Variants in NDUFS4 observed in about 807,000 individuals in gnomAD.
NDUFS4 encodes the protein NADH:ubiquinone oxidoreductase subunit S4, also known as NADH dehydrogenase [ubiquinone] iron-sulfur protein 4, mitochondrial.
Under a neutral mutation model 24.3 loss-of-function variants are expected in NDUFS4, and 28 were observed. That is an observed-to-expected ratio of 1.15 (90% CI 0.85 to 1.58). NDUFS4 has a LOEUF of 1.58. Ranked by LOEUF, NDUFS4 falls within the 40% of genes most tolerant of loss-of-function variation. The pLI, the probability that NDUFS4 is intolerant of heterozygous loss-of-function variation, is 0.00. For missense variants in NDUFS4, 223 were observed against 207.9 expected (o/e 1.07, Z -0.45); for synonymous variants, 93 against 69.7 (o/e 1.34, Z -1.67).
rs139995404 is a variant in NDUFS4 at position 53,649,254 on chromosome 5, A to G, written c.350+2849A>G. ...GGGTGTACATGTGCAGGTTTGTTAC[A>G]TGAATATATTGGGTGATGCTGGGGT... On this transcript the variant is annotated intron_variant, in intron 3 of 4. Coordinates refer to ENST00000296684, the MANE Select transcript of NDUFS4 (RefSeq NM_002495.4). Among the ~76,000 whole-genome samples, 111 of 152,218 alleles carry G rather than the reference A, an allele frequency of 7.3e-4. 1 individual carries two copies. In the East Asian group the frequency reaches 0.017, roughly 23 times the overall value.
intron 4 of NDUFS4, among the ~76,000 whole-genome samples, chr5:53,681,177 T>C (rs1401232154): frequency 2.6e-5 from 4 of 152,078 alleles, no homozygotes; most frequent in African/African-American, 7.2e-5. Context: ...CAAGAGACAA[T>C]GTAGCATAAT....
At chr5:53,623,932 T>A (rs911379364) in intron 2 of NDUFS4, among the ~76,000 whole-genome samples, 1 of 152,182 alleles carries the variant, frequency 6.6e-6, no homozygotes, top group African/African-American at 2.4e-5. Flanking sequence ...TTGGCCAGGC[T>A]ACTCTTGAAT....
chr5:53,591,666 A>G (rs1241974040), intron 1 of NDUFS4, among the ~76,000 whole-genome samples: 3 of 151,518 alleles, frequency 2.0e-5, no homozygotes, highest in African/African-American at 4.9e-5. Context: ...CTGTCTTCCA[A>G]ATTGGCTGTA....
At chr5:53,625,939 A>C (rs1004541158) in intron 2 of NDUFS4, among the ~76,000 whole-genome samples, 2 of 152,188 alleles carry the variant, frequency 1.3e-5, no homozygotes, top group African/African-American at 4.8e-5. Flanking sequence ...CACAACGTGC[A>C]GGTCTGTTAC....
chr5:53,674,895 G>A (rs1161184892), intron 4 of NDUFS4, among the ~76,000 whole-genome samples: 1 of 151,954 alleles, frequency 6.6e-6, no homozygotes, highest in Non-Finnish European at 1.5e-5. Flanking sequence ...ATAAACCAGA[G>A]AAAACCTTGC....
At chr5:53,635,171 C>T (rs996113052) in intron 2 of NDUFS4, among the ~76,000 whole-genome samples, 1 of 150,318 alleles carries the variant, frequency 6.7e-6, no homozygotes, top group Non-Finnish European at 1.5e-5. Context: ...GACTGGGCAA[C>T]AGAGCAAAAA....
intron 2 of NDUFS4, among the ~76,000 whole-genome samples, chr5:53,643,382 A>T (rs1751756905): frequency 6.6e-6 from 1 of 152,176 alleles, no homozygotes; most frequent in Non-Finnish European, 1.5e-5. Context: ...GAATACAATT[A>T]GTTCAATATA....
At chr5:53,563,749 G>A (rs938788722) in intron 1 of NDUFS4, among the ~76,000 whole-genome samples, 2 of 152,046 alleles carry the variant, frequency 1.3e-5, no homozygotes, top group Non-Finnish European at 2.9e-5. Flanking sequence ...TGATCCACCC[G>A]CCCCGGCCTC....
intron 4 of NDUFS4, among the ~76,000 whole-genome samples, chr5:53,669,242 T>C (rs1410773667): frequency 6.6e-5 from 10 of 152,198 alleles, no homozygotes; most frequent in African/African-American, 2.4e-4. Context: ...TTCAAGAGTC[T>C]GTGTTTAATA....
At chr5:53,659,606 A>C (rs756632326) in intron 4 of NDUFS4, among the ~76,000 whole-genome samples, 2 of 152,092 alleles carry the variant, frequency 1.3e-5, no homozygotes, top group Non-Finnish European at 2.9e-5. Flanking sequence ...TGCACTACTA[A>C]ACATTTGTAC....
intron 1 of NDUFS4, among the ~76,000 whole-genome samples, chr5:53,592,402 A>G (rs372053908): frequency 6.6e-6 from 1 of 152,314 alleles, no homozygotes; most frequent in East Asian, 1.9e-4. Flanking sequence ...GTTAATTTCA[A>G]TGAAGTCCAA....
chr5:53,613,790 TGTTC>T (rs1310666624), intron 2 of NDUFS4, among the ~76,000 whole-genome samples: 1 of 151,978 alleles, frequency 6.6e-6, no homozygotes, highest in Non-Finnish European at 1.5e-5. Context: ...ATTCCTTAAT[TGTTC>T]CTTTTTTAGT....
chr5:53,594,623 A>AT (rs1345974322), intron 1 of NDUFS4, among the ~76,000 whole-genome samples: 2 of 151,894 alleles, frequency 1.3e-5, no homozygotes, highest in Non-Finnish European at 2.9e-5. Flanking sequence ...CTTTGTAAGC[A>AT]TTTTTTATGT....
rs4145845 is a variant in NDUFS4, at chr5:53,656,806, T to C, written c.351-1745T>C. On this transcript the variant is annotated intron_variant, in intron 3 of 4. Coordinates refer to ENST00000296684, the MANE Select transcript of NDUFS4 (RefSeq NM_002495.4). ...GAAGACATCTTGGTGAAGGGTGGAT[T>C]GGAGTCAAGGAGGCAGAAAGATTAG... Among the ~76,000 whole-genome samples, 25 of 152,122 alleles carry C rather than the reference T, an allele frequency of 1.6e-4. No individual in the cohort carries two copies. In the East Asian group the frequency reaches 4.3e-3, roughly 26 times the overall value.
At chr5:53,616,692 G>A (rs374311094) in intron 2 of NDUFS4, among the ~76,000 whole-genome samples, 1 of 152,124 alleles carries the variant, frequency 6.6e-6, no homozygotes, top group Admixed American at 6.6e-5. Context: ...GGCTCTTTAG[G>A]CCCATAGTAA....
intron 4 of NDUFS4, among the ~76,000 whole-genome samples, chr5:53,670,587 G>A (rs1752637818): frequency 6.6e-6 from 1 of 151,082 alleles, no homozygotes; most frequent in African/African-American, 2.4e-5. Flanking sequence ...CTACTGAACA[G>A]CACTGATATA....
At chr5:53,583,119 C>T (rs1174338794) in intron 1 of NDUFS4, among the ~76,000 whole-genome samples, 3 of 152,048 alleles carry the variant, frequency 2.0e-5, no homozygotes, top group East Asian at 1.9e-4. Context: ...CCTCATGATC[C>T]GCCCGCCTCG....
chr5:53,631,488 G>A (rs1751408387), intron 2 of NDUFS4, among the ~76,000 whole-genome samples: 1 of 152,194 alleles, frequency 6.6e-6, no homozygotes, highest in South Asian at 2.1e-4. Flanking sequence ...GCCCACAGCT[G>A]CCCCTTCCCC....
intron 3 of NDUFS4, among the ~76,000 whole-genome samples, chr5:53,654,892 G>T (rs1484820302): frequency 6.6e-6 from 1 of 152,138 alleles, no homozygotes; most frequent in African/African-American, 2.4e-5. Flanking sequence ...CTCATAAGCA[G>T]AAAATGATCA....
Sources: gnomAD v4.1 joint callset for allele counts (sites outside exome capture counted in the v4.1 genomes callset) on GRCh38, gnomAD v4.1.1 for gene constraint, MANE v1.5 for transcripts, NCBI Gene and HGNC (gene_info 2026-07-23, HGNC 2026-07-21) for gene names.